The following B4GALT4 variants were observed in gnomAD, a reference collection of about 807,000 sequenced individuals.
B4GALT4 encodes beta-1,4-galactosyltransferase 4.
In B4GALT4, 27 loss-of-function variants were observed where a neutral mutation model predicts 37.3. The observed-to-expected ratio is 0.72, with a 90% CI of 0.53 to 1.00. B4GALT4 has a LOEUF of 1.00. Ranked by LOEUF, B4GALT4 falls within the 50% of genes least tolerant of loss-of-function variation. The pLI is 0.00. For synonymous variants in B4GALT4, 148 were observed against 154.1 expected (o/e 0.96, Z 0.29); for missense variants, 372 against 413.1 (o/e 0.90, Z 0.86).
At position 119,218,763 on chromosome 3, in the gene B4GALT4, G is replaced by GT; in HGVS notation, c.683dup (p.Tyr228Ter). ...CAGTAACACCCCCAAAATATCCACT[G>GT]TAACGTAACCTGGAGCAAAAGAGAT... ...GRNSTGYRLR[Y>*]SGYFGGVTAL... Residue 228 changes from tyrosine to a stop codon, truncating the protein, a stop_gained and frameshift_variant, in exon 6 of 8, where the codon TAC becomes TAAC. Transcript: ENST00000393765. LOFTEE classifies it high-confidence loss of function. 1 of 1,614,046 alleles carries GT rather than the reference G, an allele frequency of 6.2e-7. No homozygotes were observed. The highest frequency in any genetic ancestry group is 8.5e-7 in the Non-Finnish European group (1 of 1,179,988).
At position 119,227,046 on chromosome 3, in the gene B4GALT4, A is replaced by T. The variant is rs776201762; in HGVS notation, c.254-5T>A. The T allele has an allele frequency of 6.2e-7, 1 of 1,612,508 alleles. No individual in the cohort carries two copies. Among genetic ancestry groups the T allele is most frequent in the Admixed American group, 1.7e-5 (1 of 60,010 alleles). ...AAATGAGCTTGCTCTGGCCTCCTAC[A>T]ATGAACATAGGACACAGACAATAAC... On this transcript the variant is annotated splice_polypyrimidine_tract_variant and splice_region_variant and intron_variant, in intron 3 of 7. Coordinates refer to ENST00000393765, the MANE Select transcript of B4GALT4 (RefSeq NM_003778.4).
intron 7 of B4GALT4, chr3:119,215,368 T>A (rs576740310): frequency 6.5e-6 from 1 of 152,930 alleles, no homozygotes; most frequent in African/African-American, 2.4e-5. Context: ...CCTACACCAG[T>A]GGTTTGCCAG....
intron 6 of B4GALT4, among the ~76,000 whole-genome samples, chr3:119,216,813 G>A (rs1489888886): frequency 6.6e-6 from 1 of 152,182 alleles, no homozygotes; most frequent in Non-Finnish European, 1.5e-5. Flanking sequence ...TCTGGACTCT[G>A]TTATTTACAA....
rs1483158508 is a variant in B4GALT4, at chr3:119,236,905, C to G, written c.-198G>C. The G allele has an allele frequency of 6.6e-6, 1 of 152,224 alleles. No homozygotes were observed. Among genetic ancestry groups the G allele is most frequent in the Non-Finnish European group, 1.5e-5 (1 of 68,058 alleles). The allele number at this position is 152,224 out of a possible 1,614,324, so 9.4% of individuals were successfully genotyped here. A position where few individuals can be genotyped will look rare whatever the true frequency, so the allele number is the denominator to read the frequency against. On this transcript the variant is annotated 5_prime_UTR_variant, in exon 2 of 8. It removes the in-frame stop codon of an upstream open reading frame in the 5' UTR. Coordinates refer to ENST00000393765, the MANE Select transcript of B4GALT4 (RefSeq NM_003778.4). Reference sequence around the variant, plus strand: ...CCCACTGCCTTCCGCTCCTCTGCCTCTAAAAGTGATACTTCTCCTTGGCTT... The same window carrying G: ...CCCACTGCCTTCCGCTCCTCTGCCTGTAAAAGTGATACTTCTCCTTGGCTT...
At position 119,230,197 on chromosome 3, in the gene B4GALT4, A is replaced by G. The variant is rs1463837417; in HGVS notation, c.-98T>C. The G allele has an allele frequency of 1.4e-6, 2 of 1,457,448 alleles. No homozygotes were observed. Among genetic ancestry groups the G allele is most frequent in the Non-Finnish European group, 1.9e-6 (2 of 1,069,796 alleles). 90.3% of individuals were successfully genotyped at this position (1,457,448 alleles called of 1,614,324 possible). A position where few individuals can be genotyped will look rare whatever the true frequency, so the allele number is the denominator to read the frequency against. On this transcript the variant is annotated 5_prime_UTR_variant, in exon 3 of 8. Coordinates refer to ENST00000393765, the MANE Select transcript of B4GALT4 (RefSeq NM_003778.4). ...CAATCTGATTGCGAACTTGATGACA[A>G]CTGAAGATACAATGCCTGGTTTTTC...
At position 119,226,966 on chromosome 3, in the gene B4GALT4, C is replaced by G. The variant is rs756328964; in HGVS notation, c.329G>C (p.Arg110Thr). The G allele has an allele frequency of 1.2e-6, 2 of 1,614,080 alleles. No individual in the cohort carries two copies. The highest frequency in any genetic ancestry group is 1.7e-5 in the Admixed American group (1 of 60,012). ...EVQAENPKVS[R>T]GRYRPQECKA... Reference sequence around the variant, plus strand: ...ACATTCCTGAGGGCGATACCGGCCTCTGGACACTTTGGGATTTTCTGCCTG... The same window carrying G: ...ACATTCCTGAGGGCGATACCGGCCTGTGGACACTTTGGGATTTTCTGCCTG... Residue 110 changes from arginine (R) to threonine (T), a missense_variant, in exon 4 of 8, where the codon AGA (arginine) becomes ACA (threonine). Arg to Thr is a moderately conservative substitution (Grantham distance 71, BLOSUM62 -1). Transcript: ENST00000393765.
intron 5 of B4GALT4, 63 bp downstream of exon 5, chr3:119,223,995 C>T: frequency 6.8e-7 from 1 of 1,470,404 alleles, no homozygotes; most frequent in Admixed American, 2.3e-5. Flanking sequence ...GCTTGTTCCA[C>T]CCAGTCTTGA....
chr3:119,230,095 C>T lies in B4GALT4; in HGVS notation c.5G>A (p.Gly2Asp). The T allele has an allele frequency of 7.4e-6, 12 of 1,613,976 alleles. No individual in the cohort carries two copies. Among genetic ancestry groups the T allele is most frequent in the Non-Finnish European group, 1.0e-5 (12 of 1,179,898 alleles). Reference protein sequence around the residue: MGFNLTFHLSYK... With the variant: MDFNLTFHLSYK... ...GGAAAGGTGGAAAGTCAGGTTGAAGCCCATGTTTTTTATTACGTGAATAAT... is the reference window on the plus strand; with the variant it reads ...GGAAAGGTGGAAAGTCAGGTTGAAGTCCATGTTTTTTATTACGTGAATAAT... Residue 2 changes from glycine to aspartate, a missense_variant, in exon 3 of 8, where the codon GGC (glycine) becomes GAC (aspartate). By Grantham distance (94) the Gly-to-Asp change is moderately conservative. Transcript: ENST00000393765.
At chr3:119,236,431 G>A (rs1344087612) in intron 2 of B4GALT4, among the ~76,000 whole-genome samples, 2 of 152,124 alleles carry the variant, frequency 1.3e-5, no homozygotes, top group East Asian at 3.8e-4. Flanking sequence ...GGGAAGCTAG[G>A]TGAACTGTGT....
intron 7 of B4GALT4, chr3:119,213,435 T>C (rs1404391185): frequency 6.6e-6 from 1 of 152,218 alleles, no homozygotes. Flanking sequence ...AGATGCATAA[T>C]GTTCAGCTAA....
chr3:119,220,535 G>A (rs992352497), intron 5 of B4GALT4, among the ~76,000 whole-genome samples: 5 of 152,230 alleles, frequency 3.3e-5, no homozygotes, highest in Non-Finnish European at 5.9e-5. Context: ...ACATCAGGAG[G>A]AGGGGGCCTG....
intron 5 of B4GALT4, among the ~76,000 whole-genome samples, chr3:119,222,550 G>A (rs1027273909): frequency 1.6e-4 from 25 of 152,070 alleles, no homozygotes; most frequent in Admixed American, 2.0e-4. Flanking sequence ...CAGCTGTAAC[G>A]TGTCAACAGC....
At chr3:119,238,922 C>T (rs2079065747) in intron 1 of B4GALT4, among the ~76,000 whole-genome samples, 1 of 152,222 alleles carries the variant, frequency 6.6e-6, no homozygotes, top group African/African-American at 2.4e-5. Flanking sequence ...AGAAAAACTT[C>T]AGAGGCTGTT....
In B4GALT4 at chr3:119,226,916, G is replaced by T; in HGVS notation, c.379C>A (p.Leu127Ile). 1 of 1,614,142 alleles carries T rather than the reference G, an allele frequency of 6.2e-7. No individual in the cohort carries two copies. The highest frequency in any genetic ancestry group is 8.5e-7 in the Non-Finnish European group (1 of 1,180,014). ...ECKALQRVAI[L>I]VPHRNREKHL... ...TTCTCTCTGTTCCGGTGGGGAACGA[G>T]GATGGCGACCCTCTGTAAAGCTTTA... Residue 127 changes from leucine (L) to isoleucine (I), a missense_variant, in exon 4 of 8, where the codon CTC (leucine) becomes ATC (isoleucine). Leu to Ile is a conservative substitution (Grantham distance 5). Transcript: ENST00000393765.
Position 119,216,262 on chromosome 3 carries a change from C to G in B4GALT4, c.880G>C (p.Gly294Arg), listed in dbSNP as rs1258637556. Residue 294 changes from glycine (G) to arginine (R), a missense_variant, in exon 7 of 8, where the codon GGC becomes CGC. Transcript: ENST00000393765. ...TACCGTTCTGCGTTCACCTCATTGCCTTTGTCTCTAGTGTGGAAGACCATT... is the reference window on the plus strand; with the variant it reads ...TACCGTTCTGCGTTCACCTCATTGCGTTTGTCTCTAGTGTGGAAGACCATT... ...YTMVFHTRDK[G>R]NEVNAERMKL... The G allele has an allele frequency of 6.2e-7, 1 of 1,613,360 alleles. No homozygotes were observed. The highest frequency in any genetic ancestry group is 8.5e-7 in the Non-Finnish European group (1 of 1,179,702).
chr3:119,223,595 C>G (rs554996739), intron 5 of B4GALT4, among the ~76,000 whole-genome samples: 73 of 152,274 alleles, frequency 4.8e-4, no homozygotes, highest in Non-Finnish European at 7.1e-4. Context: ...GAAGACTACT[C>G]AGAGGACATG....
Position 119,211,779 on chromosome 3 carries a change from A to G in B4GALT4, c.*770T>C, listed in dbSNP as rs1013357702. 6.7e-5 allele frequency: 13 copies of G among 195,480 alleles called. No individual in the cohort carries two copies. Among genetic ancestry groups the G allele is most frequent in the Admixed American group, 4.8e-4 (9 of 18,590 alleles). The allele number at this position is 195,480 out of a possible 1,614,324, so 12.1% of individuals were successfully genotyped here. A position where few individuals can be genotyped will look rare whatever the true frequency, so the allele number is the denominator to read the frequency against. On this transcript the variant is annotated 3_prime_UTR_variant, in exon 8 of 8. Coordinates refer to ENST00000393765, the MANE Select transcript of B4GALT4 (RefSeq NM_003778.4). Reference sequence around the variant, plus strand: ...TTTACTACAGAGGTATTTGATAGACATATTTATTATTAGTTAATATGTAAA... The same window carrying G: ...TTTACTACAGAGGTATTTGATAGACGTATTTATTATTAGTTAATATGTAAA...
At chr3:119,235,197 A>G (rs1400147871) in intron 2 of B4GALT4, 1 of 152,232 alleles carries the variant, frequency 6.6e-6, no homozygotes, top group East Asian at 1.9e-4. Flanking sequence ...ATTTTCCATA[A>G]TAGTTTTTAA....
Position 119,218,740 on chromosome 3 carries a change from G to GT in B4GALT4, c.706dup (p.Thr236AsnfsTer16). On this transcript the variant is annotated frameshift_variant, in exon 6 of 8. Transcript: ENST00000393765. LOFTEE classifies it high-confidence loss of function. ...GAAAAACTGCTCTCTGCTTAGGGCAGTAACACCCCCAAAATATCCACTGTA... is the reference window on the plus strand; with the variant it reads ...GAAAAACTGCTCTCTGCTTAGGGCAGTTAACACCCCCAAAATATCCACTGTA... The GT allele has an allele frequency of 3.1e-6, 5 of 1,614,108 alleles. No individual in the cohort carries two copies. Among genetic ancestry groups the GT allele is most frequent in the Non-Finnish European group, 4.2e-6 (5 of 1,179,980 alleles).
Sources: gnomAD v4.1 joint callset for allele counts (sites outside exome capture counted in the v4.1 genomes callset) on GRCh38, gnomAD v4.1.1 for gene constraint, MANE v1.5 for transcripts, NCBI Gene and HGNC (gene_info 2026-07-23, HGNC 2026-07-21) for gene names.